The following SVIL variants were observed in gnomAD, a reference collection of about 807,000 sequenced individuals.
The protein encoded by SVIL is archvillin.
Under a neutral mutation model 240.4 loss-of-function variants are expected in SVIL, and 101 were observed. The ratio of observed to expected loss-of-function variants is 0.42; its 90% CI spans 0.36 to 0.50. The LOEUF (loss-of-function observed/expected upper bound fraction) is 0.50. Ranked by LOEUF, SVIL falls within the 20% of genes least tolerant of loss-of-function variation. SVIL has a pLI of 0.01. For synonymous variants in SVIL, 999 were observed against 1,100.0 expected, an observed-to-expected ratio of 0.91 and a Z score of 1.82; for missense variants, 2,512 against 2,818.7, an observed-to-expected ratio of 0.89 and a Z score of 2.46.
intron 2 of SVIL, among the ~76,000 whole-genome samples, chr10:29,566,675 G>A (rs546309380): frequency 5.1e-4 from 77 of 152,294 alleles, no homozygotes; most frequent in African/African-American, 1.7e-3. Context: ...CTCATCTGAC[G>A]CTGATGAAAC....
At chr10:29,710,572 A>G (rs1037196517) in intron 1 of SVIL, among the ~76,000 whole-genome samples, 2 of 152,228 alleles carry the variant, frequency 1.3e-5, no homozygotes, top group African/African-American at 2.4e-5. Flanking sequence ...TGTATTAATA[A>G]TTATTGCAGA....
intron 1 of SVIL, among the ~76,000 whole-genome samples, chr10:29,714,304 G>C (rs111846388): frequency 6.6e-6 from 1 of 152,102 alleles, no homozygotes; most frequent in African/African-American, 2.4e-5. Flanking sequence ...TAACGACATA[G>C]ATGAACCAAT....
intron 1 of SVIL, among the ~76,000 whole-genome samples, chr10:29,702,044 A>G (rs1777336): frequency 0.5 from 76,082 of 151,324 alleles, 19,479 homozygotes; most frequent in East Asian, 0.77. Context: ...GCGTGGTGGC[A>G]GGTGCCTGTA....
intron 1 of SVIL, among the ~76,000 whole-genome samples, chr10:29,606,506 T>G (rs1300359578): frequency 6.6e-6 from 1 of 152,224 alleles, no homozygotes; most frequent in African/African-American, 2.4e-5. Flanking sequence ...AACAAAATTA[T>G]TTTAAAGTAC....
chr10:29,509,567 G>C (rs1949672446), intron 17 of SVIL, among the ~76,000 whole-genome samples: 1 of 152,166 alleles, frequency 6.6e-6, no homozygotes, highest in African/African-American at 2.4e-5. Flanking sequence ...GAAAACTCCA[G>C]GCTGGGCATG....
At chr10:29,697,020 G>T (rs1451802777) in intron 1 of SVIL, among the ~76,000 whole-genome samples, 1 of 139,102 alleles carries the variant, frequency 7.2e-6, no homozygotes, top group Admixed American at 7.0e-5. Flanking sequence ...GAGGTGGGGG[G>T]CTCAGCCCCC....
rs540544541 is a variant in SVIL, at chr10:29,554,784, G to A, written c.159C>T (p.Ile53=). Residue 53 remains isoleucine (I), a splice_region_variant and synonymous_variant, in exon 5 of 38, where the codon ATC becomes ATT. Transcript: ENST00000355867. ...MRASDPASPH[I]GRSNEEEETS... is the part of the protein sequence containing the mutation. ...TGGGCCACCCAGCTCCACGCTCACC[G>A]ATGTGGGGGCTGGCAGGGTCGCTGG... is the stretch of plus-strand genomic sequence containing the variant. 11 of 1,592,516 alleles carry A rather than the reference G, an allele frequency of 6.9e-6. No individual in the cohort carries two copies. Among genetic ancestry groups the A allele is most frequent in the South Asian group, 5.7e-5 (5 of 87,148 alleles).
rs141932890 is a variant in SVIL, at chr10:29,719,512, A to C, written c.-400+16239T>G. The stretch of plus-strand genomic sequence containing the variant: ...ACCAGGCATGCAAAAAGGCAGGAAA[A>C]TACAACCCACAACGAGGAGCAATGT... On this transcript the variant is annotated intron_variant, in intron 1 of 35. Transcript: ENST00000375400. Among the ~76,000 whole-genome samples the C allele has an allele frequency of 2.0e-4, 30 of 152,348 alleles. No homozygotes were observed. The East Asian group carries it at 5.2e-3, about 26-fold the overall frequency.
chr10:29,680,667 C>G (rs1305793679), intron 2 of SVIL, among the ~76,000 whole-genome samples: 2 of 152,142 alleles, frequency 1.3e-5, no homozygotes, highest in Admixed American at 6.5e-5. Context: ...GCCTGTAATC[C>G]CAGCACTTTG....
intron 1 of SVIL, among the ~76,000 whole-genome samples, chr10:29,619,970 T>C (rs1957570806): frequency 6.6e-6 from 1 of 152,030 alleles, no homozygotes; most frequent in Non-Finnish European, 1.5e-5. Flanking sequence ...GAAGAAAAAA[T>C]GACCAATCCT....
intron 1 of SVIL, among the ~76,000 whole-genome samples, chr10:29,622,249 CAAAAAAAAAAAAAA>C (rs71020801): frequency 2.1e-4 from 11 of 51,634 alleles, no homozygotes; most frequent in African/African-American, 9.9e-4. Flanking sequence ...GACTCCGTCT[CAAAAAAAAAAAAAA>C]AAAAAAAAAA....
intron 1 of SVIL, among the ~76,000 whole-genome samples, chr10:29,687,635 C>A (rs750445802): frequency 6.6e-6 from 1 of 152,164 alleles, no homozygotes; most frequent in African/African-American, 2.4e-5. Context: ...ATCGCGCCAC[C>A]GCACTCCAGC....
At chr10:29,665,504 A>G (rs2133046284) in intron 2 of SVIL, among the ~76,000 whole-genome samples, 1 of 152,092 alleles carries the variant, frequency 6.6e-6, no homozygotes, top group African/African-American at 2.4e-5. Flanking sequence ...AGACTTAAAA[A>G]CCTACTGCTG....
intron 6 of SVIL, among the ~76,000 whole-genome samples, chr10:29,537,303 T>A (rs1007871524): frequency 3.9e-5 from 6 of 152,128 alleles, no homozygotes; most frequent in African/African-American, 1.2e-4. Context: ...ACGACGAAAA[T>A]GAATCATAAA....
intron 6 of SVIL, among the ~76,000 whole-genome samples, chr10:29,546,699 T>G (rs1952725083): frequency 6.6e-6 from 1 of 152,208 alleles, no homozygotes; most frequent in South Asian, 2.1e-4. Context: ...TGCTCACATT[T>G]GAATATTTAG....
At chr10:29,463,393 G>T (rs1354788475) in intron 35 of SVIL, 99 bp downstream of exon 35, 34 of 1,417,692 alleles carry the variant, frequency 2.4e-5, no homozygotes, top group Non-Finnish European at 3.0e-5. Flanking sequence ...ATGGATGCTG[G>T]CTGACATGCA....
upstream of SVIL, among the ~76,000 whole-genome samples, chr10:29,636,486 C>G (rs1958314789): frequency 6.6e-6 from 1 of 152,198 alleles, no homozygotes; most frequent in Non-Finnish European, 1.5e-5. Flanking sequence ...CACACTGCTT[C>G]CCCATAGCAA....
chr10:29,687,262 C>A (rs2132603616), intron 1 of SVIL, among the ~76,000 whole-genome samples: 1 of 152,348 alleles, frequency 6.6e-6, no homozygotes, highest in Non-Finnish European at 1.5e-5. Flanking sequence ...AAAGACAAGA[C>A]CAGATCAATC....
chr10:29,696,394 CG>C (rs1242715154), intron 1 of SVIL, among the ~76,000 whole-genome samples: 4 of 151,698 alleles, frequency 2.6e-5, no homozygotes, highest in Non-Finnish European at 2.9e-5. Flanking sequence ...AAGTGAGGAG[CG>C]TCTCTGCCTG....
Sources: allele counts gnomAD v4.1 joint callset (sites outside exome capture counted in the v4.1 genomes callset), GRCh38; gene constraint gnomAD v4.1.1; transcripts MANE v1.5; gene names NCBI Gene and HGNC (gene_info 2026-07-23, HGNC 2026-07-21).